Variants in FTO observed in about 807,000 individuals in gnomAD.
The protein encoded by FTO is alpha-ketoglutarate-dependent dioxygenase FTO.
Under a neutral mutation model 63.9 loss-of-function variants are expected in FTO, and 47 were observed. That is an observed-to-expected ratio of 0.74 (90% CI 0.58 to 0.94). The LOEUF (loss-of-function observed/expected upper bound fraction) is 0.94. FTO is among the 40% of genes least tolerant of loss of function. The pLI is 0.00. For synonymous variants in FTO, 207 were observed against 224.4 expected, an observed-to-expected ratio of 0.92 and a Z score of 0.69; for missense variants, 562 against 618.1, an observed-to-expected ratio of 0.91 and a Z score of 0.96.
At chr16:53,876,126 T>A (rs965249687) in intron 5 of FTO, among the ~76,000 whole-genome samples, 1 of 152,212 alleles carries the variant, frequency 6.6e-6, no homozygotes, top group African/African-American at 2.4e-5. Context: ...TTAAAAAAAA[T>A]ACCTAAAGGT....
chr16:53,940,303 G>A (rs1342773310), intron 8 of FTO, among the ~76,000 whole-genome samples: 1 of 152,092 alleles, frequency 6.6e-6, no homozygotes, highest in Non-Finnish European at 1.5e-5. Context: ...TTTAAAACAT[G>A]GCGGACTTAA....
intron 1 of FTO, among the ~76,000 whole-genome samples, chr16:53,738,025 C>CTTTTT (rs35487919): frequency 1.6e-5 from 2 of 125,516 alleles, no homozygotes; most frequent in African/African-American, 3.1e-5. Context: ...ACAATCGTAG[C>CTTTTT]TTTTTTTTTT....
At chr16:53,951,138 T>C (rs2082790627) in intron 8 of FTO, among the ~76,000 whole-genome samples, 1 of 152,178 alleles carries the variant, frequency 6.6e-6, no homozygotes, top group Non-Finnish European at 1.5e-5. Context: ...TAGCACAGGG[T>C]CAAAATACAT....
At chr16:54,064,666 T>C (rs2085674246) in intron 8 of FTO, among the ~76,000 whole-genome samples, 1 of 152,340 alleles carries the variant, frequency 6.6e-6, no homozygotes, top group Non-Finnish European at 1.5e-5. Context: ...CCTCATTCTG[T>C]AATCCAAAGC....
intron 8 of FTO, among the ~76,000 whole-genome samples, chr16:54,077,881 C>G (rs1599327695): frequency 6.6e-6 from 1 of 152,086 alleles, no homozygotes; most frequent in Non-Finnish European, 1.5e-5. Context: ...GTCAGGAACC[C>G]GGACCAGAGT....
At chr16:53,758,542 C>G (rs1439518400) in intron 1 of FTO, among the ~76,000 whole-genome samples, 1 of 152,158 alleles carries the variant, frequency 6.6e-6, no homozygotes, top group African/African-American at 2.4e-5. Context: ...AGGTTTCCAT[C>G]ATATCGCTCT....
intron 8 of FTO, among the ~76,000 whole-genome samples, chr16:54,045,136 CA>C (rs1325859271): frequency 5.7e-5 from 2 of 35,134 alleles, no homozygotes; most frequent in Non-Finnish European, 8.1e-5. Context: ...AATAGAGACA[CA>C]AAAAACCCTT....
chr16:54,022,054 T>G (rs566852546), intron 8 of FTO, among the ~76,000 whole-genome samples: 1 of 152,204 alleles, frequency 6.6e-6, no homozygotes, highest in Non-Finnish European at 1.5e-5. Flanking sequence ...TATTTATTTG[T>G]GGGCTACCAT....
At chr16:53,911,162 C>T in intron 7 of FTO, 1 of 545,858 alleles carries the variant, frequency 1.8e-6, no homozygotes, top group Middle Eastern at 4.9e-4. Context: ...AGTGTTCTCT[C>T]ATATGTTAAC....
rs372159143 is a variant in FTO, at chr16:53,925,571, G to A, written c.1240-8414G>A. On this transcript the variant is annotated intron_variant, in intron 7 of 8. Transcript: ENST00000471389. ...GACAACATTCTTTGATTTGTAAGAC[G>A]GAGAGATTAAGTCTGAGTTTTGGGG... 7.7e-4 allele frequency among the ~76,000 whole-genome samples: 117 copies of A among 152,132 alleles called. 1 individual carries two copies. The highest frequency in any genetic ancestry group is 2.5e-3 in the African/African-American group (104 of 41,492).
At chr16:53,899,769 A>T (rs1202156842) in intron 7 of FTO, among the ~76,000 whole-genome samples, 1 of 152,174 alleles carries the variant, frequency 6.6e-6, no homozygotes, top group African/African-American at 2.4e-5. Context: ...ATAGGGGAAT[A>T]CAAACCAGGG....
chr16:54,033,406 C>CA, intron 8 of FTO, among the ~76,000 whole-genome samples: 1 of 151,870 alleles, frequency 6.6e-6, no homozygotes, highest in Non-Finnish European at 1.5e-5. Flanking sequence ...AGAAATGAAG[C>CA]AAAAAAATAA....
rs758535867 is a variant in FTO at position 53,810,121 on chromosome 16, AATT to A, written c.46-12_46-10del. 2 of 1,552,328 alleles carry A rather than the reference AATT, an allele frequency of 1.3e-6. No individual in the cohort carries two copies. Among genetic ancestry groups the A allele is most frequent in the African/African-American group, 1.4e-5 (1 of 73,744 alleles). On this transcript the variant is annotated splice_polypyrimidine_tract_variant and intron_variant, in intron 1 of 8. Coordinates refer to ENST00000471389, the MANE Select transcript of FTO (RefSeq NM_001080432.3). ...GGTTATTGCATATTCACTTATATGT[AATT>A]ATTATTTTCAAACAGAAACTGAGGC...
At chr16:53,788,366 G>A (rs535151181) in intron 1 of FTO, among the ~76,000 whole-genome samples, 8 of 152,104 alleles carry the variant, frequency 5.3e-5, no homozygotes, top group East Asian at 3.9e-4. Flanking sequence ...ACTTTGGGAC[G>A]CTGAGGTGGG....
intron 8 of FTO, among the ~76,000 whole-genome samples, chr16:53,986,658 T>C (rs1423945426): frequency 1.3e-5 from 2 of 152,232 alleles, no homozygotes; most frequent in Non-Finnish European, 2.9e-5. Context: ...AATTCTAATT[T>C]CCAATTTAGG....
chr16:53,729,503 G>A (rs926917863), intron 1 of FTO, among the ~76,000 whole-genome samples: 4 of 104,998 alleles, frequency 3.8e-5, no homozygotes, highest in South Asian at 5.2e-4. Flanking sequence ...ACTCCGTATC[G>A]GGGGGAAAAA....
At chr16:53,853,213 G>A (rs2079867237) in intron 4 of FTO, among the ~76,000 whole-genome samples, 1 of 152,170 alleles carries the variant, frequency 6.6e-6, no homozygotes, top group Non-Finnish European at 1.5e-5. Flanking sequence ...GCCGAGGCCA[G>A]AGAATCCCTT....
At chr16:53,888,509 A>T (rs1259635427) in intron 6 of FTO, among the ~76,000 whole-genome samples, 3 of 129,290 alleles carry the variant, frequency 2.3e-5, no homozygotes, top group Admixed American at 8.4e-5. Flanking sequence ...TTGTAGAGAC[A>T]GCATCTTGCA....
intron 7 of FTO, among the ~76,000 whole-genome samples, chr16:53,889,609 A>T (rs955249050): frequency 7.2e-5 from 11 of 152,250 alleles, no homozygotes; most frequent in African/African-American, 2.6e-4. Context: ...GCCGGCTGGG[A>T]TGGTGGTGAA....
Sources: allele counts gnomAD v4.1 joint callset (sites outside exome capture counted in the v4.1 genomes callset), GRCh38; gene constraint gnomAD v4.1.1; transcripts MANE v1.5; gene names NCBI Gene and HGNC (gene_info 2026-07-23, HGNC 2026-07-21).